SCHIP1: variants seen among roughly 807,000 people sequenced by gnomAD.
SCHIP1 encodes schwannomin-interacting protein 1.
A neutral mutation model predicts 29.7 loss-of-function variants in SCHIP1; 8 were observed. The observed-to-expected ratio is 0.27, with a 90% CI of 0.16 to 0.49. The LOEUF (loss-of-function observed/expected upper bound fraction) is 0.49, where lower values mean the gene tolerates loss of function less well. Among genes scored for constraint, SCHIP1 ranks in the 20% least tolerant of loss-of-function variants. SCHIP1 has a pLI of 0.99. For synonymous variants in SCHIP1, 76 were observed against 94.9 expected (o/e 0.80, Z 1.16); for missense variants, 193 against 294.6 (o/e 0.66, Z 2.52).
chr3:159,559,180 C>T, the SCHIP1 span, among the ~76,000 whole-genome samples: 1 of 152,252 alleles, frequency 6.6e-6, no homozygotes, highest in East Asian at 1.9e-4. Context: ...ACAGAAGTGA[C>T]TTCTCAAGAG....
the SCHIP1 span, among the ~76,000 whole-genome samples, chr3:159,449,931 AAAAGG>A: frequency 6.6e-6 from 1 of 152,046 alleles, no homozygotes; most frequent in South Asian, 2.1e-4. Context: ...GAAGAGAAAG[AAAAGG>A]AAAGAAAAAG....
chr3:159,347,806 G>T, the SCHIP1 span, among the ~76,000 whole-genome samples: 1 of 152,096 alleles, frequency 6.6e-6, no homozygotes, highest in Non-Finnish European at 1.5e-5. Context: ...CCTGAGTTAT[G>T]ACTGGTGTTA....
the SCHIP1 span, among the ~76,000 whole-genome samples, chr3:159,505,320 T>G: frequency 1.3e-5 from 2 of 152,130 alleles, no homozygotes. Context: ...AATCTCAACA[T>G]GATTTTCCAA....
At chr3:159,676,669 G>A in the SCHIP1 span, among the ~76,000 whole-genome samples, 1 of 152,174 alleles carries the variant, frequency 6.6e-6, no homozygotes, top group Non-Finnish European at 1.5e-5. Flanking sequence ...CTGGAGGATA[G>A]GAGAGGAGAA....
chr3:159,653,749 T>TA, the SCHIP1 span, among the ~76,000 whole-genome samples: 9,988 of 108,862 alleles, frequency 0.092, 503 homozygotes, highest in South Asian at 0.24. Flanking sequence ...GAACTTAAAG[T>TA]AAAAAAAAAA....
the SCHIP1 span, among the ~76,000 whole-genome samples, chr3:159,442,303 T>C: frequency 6.6e-6 from 1 of 152,148 alleles, no homozygotes; most frequent in Non-Finnish European, 1.5e-5. Context: ...GAACAGCACC[T>C]CCAGAGAGGC....
At chr3:159,773,864 T>G in the SCHIP1 span, among the ~76,000 whole-genome samples, 1 of 152,174 alleles carries the variant, frequency 6.6e-6, no homozygotes, top group Non-Finnish European at 1.5e-5. Flanking sequence ...AAGAGTACCC[T>G]CCAAAAGGAG....
the SCHIP1 span, among the ~76,000 whole-genome samples, chr3:159,396,777 G>T: frequency 1.3e-5 from 2 of 151,872 alleles, no homozygotes; most frequent in East Asian, 3.9e-4. Flanking sequence ...TTCAACTTTG[G>T]TGAATCTGAC....
the SCHIP1 span, among the ~76,000 whole-genome samples, chr3:159,468,219 T>C: frequency 6.6e-6 from 1 of 152,170 alleles, no homozygotes; most frequent in Admixed American, 6.6e-5. Context: ...TTTCCTTAAA[T>C]CATTGTAAAA....
At chr3:159,448,007 A>C in the SCHIP1 span, among the ~76,000 whole-genome samples, 9 of 152,178 alleles carry the variant, frequency 5.9e-5, no homozygotes, top group African/African-American at 2.2e-4. Flanking sequence ...AAATAGGCTT[A>C]TTTAGGAAGT....
chr3:159,468,710 C>T, the SCHIP1 span, among the ~76,000 whole-genome samples: 18 of 143,004 alleles, frequency 1.3e-4, no homozygotes, highest in Non-Finnish European at 2.0e-4. Flanking sequence ...AGGGAAATCA[C>T]GAGTGTTTTA....
the SCHIP1 span, among the ~76,000 whole-genome samples, chr3:159,365,172 G>A: frequency 2.9e-3 from 438 of 152,218 alleles, no homozygotes; most frequent in African/African-American, 0.01. Context: ...CCAGAGAGAC[G>A]GCAGTCTTGA....
At chr3:159,892,545 C>A in intron 6 of SCHIP1, 2 of 468,202 alleles carry the variant, frequency 4.3e-6, no homozygotes. Context: ...CACAAGCAGC[C>A]ATGTGATGAG....
At chr3:159,474,904 A>G in the SCHIP1 span, among the ~76,000 whole-genome samples, 1 of 152,282 alleles carries the variant, frequency 6.6e-6, no homozygotes, top group East Asian at 1.9e-4. Context: ...ATACTACTTA[A>G]CACCCAGTAG....
chr3:159,680,001 G>A, the SCHIP1 span, among the ~76,000 whole-genome samples: 1 of 151,850 alleles, frequency 6.6e-6, no homozygotes, highest in East Asian at 1.9e-4. Flanking sequence ...TGTCCCTGCT[G>A]TATTGCTAAG....
chr3:159,434,351 A>G, the SCHIP1 span, among the ~76,000 whole-genome samples: 3 of 152,146 alleles, frequency 2.0e-5, no homozygotes, highest in African/African-American at 4.8e-5. Flanking sequence ...CTCCATATCA[A>G]TTAAGATGTC....
chr3:159,792,462 G>T, the SCHIP1 span, among the ~76,000 whole-genome samples: 1 of 152,200 alleles, frequency 6.6e-6, no homozygotes, highest in South Asian at 2.1e-4. Context: ...CATAATAAAG[G>T]CTTCATAAAT....
the SCHIP1 span, among the ~76,000 whole-genome samples, chr3:159,419,812 G>GA: frequency 1.2e-4 from 18 of 151,346 alleles, no homozygotes; most frequent in South Asian, 1.3e-3. Context: ...TCCATCTTAA[G>GA]AAAAAAAAAT....
the SCHIP1 span, among the ~76,000 whole-genome samples, chr3:159,457,889 T>A: frequency 2.0e-5 from 3 of 152,180 alleles, no homozygotes; most frequent in Non-Finnish European, 4.4e-5. Flanking sequence ...CTTACCCTTC[T>A]CTACTCATGC....
Sources: allele counts gnomAD v4.1 joint callset (sites outside exome capture counted in the v4.1 genomes callset), GRCh38; gene constraint gnomAD v4.1.1; transcripts MANE v1.5; gene names NCBI Gene and HGNC (gene_info 2026-07-23, HGNC 2026-07-21).